COL5A1: variants seen among roughly 807,000 people sequenced by gnomAD.
COL5A1 encodes the protein collagen alpha-1(V) chain.
In COL5A1, 16 loss-of-function variants were observed where a neutral mutation model predicts 263.7. The observed-to-expected ratio is 0.06, with a 90% confidence interval of 0.04 to 0.09. COL5A1 has a LOEUF of 0.09. COL5A1 is among the 10% of genes least tolerant of loss of function. The pLI, the probability that COL5A1 is intolerant of heterozygous loss-of-function variation, is 1.00. For synonymous variants in COL5A1, 1,012 were observed against 1,004.5 expected (o/e 1.01, Z -0.14); for missense variants, 2,036 against 2,540.5 (o/e 0.80, Z 4.27).
chr9:134,800,966 T>C (rs1045326495), intron 37 of COL5A1, among the ~76,000 whole-genome samples: 1 of 152,158 alleles, frequency 6.6e-6, no homozygotes, highest in African/African-American at 2.4e-5. Flanking sequence ...AAGGTGTGCA[T>C]GTCTCCACCA....
chr9:134,748,816 G>T (rs906421458), intron 11 of COL5A1, among the ~76,000 whole-genome samples: 2 of 152,194 alleles, frequency 1.3e-5, no homozygotes, highest in Non-Finnish European at 2.9e-5. Context: ...ACGTGCATCG[G>T]CAGAAGACGG....
intron 6 of COL5A1, among the ~76,000 whole-genome samples, chr9:134,729,086 C>T (rs182839712): frequency 7.6e-4 from 116 of 152,318 alleles, no homozygotes; most frequent in Non-Finnish European, 1.4e-3. Flanking sequence ...CCACCCTGTA[C>T]GAGGCACAGG....
At chr9:134,787,615 T>C (rs1837509576) in intron 31 of COL5A1, among the ~76,000 whole-genome samples, 1 of 152,238 alleles carries the variant, frequency 6.6e-6, no homozygotes, top group African/African-American at 2.4e-5. Flanking sequence ...ATCTCTGGTC[T>C]GTGTGCACCT....
At chr9:134,793,608 A>C (rs1837796478) in intron 32 of COL5A1, among the ~76,000 whole-genome samples, 1 of 152,160 alleles carries the variant, frequency 6.6e-6, no homozygotes, top group South Asian at 2.1e-4. Context: ...CCTGTGGTCC[A>C]GGTCATAGTG....
chr9:134,698,719 G>A (rs1392056349), intron 2 of COL5A1, among the ~76,000 whole-genome samples: 3 of 152,266 alleles, frequency 2.0e-5, no homozygotes, highest in East Asian at 1.9e-4. Context: ...ATGGATAGCC[G>A]CCTTGCAGGC....
rs918778766 is a variant in COL5A1 at position 134,824,687 on chromosome 9, G to A, written c.4786G>A (p.Gly1596Arg). ...CGACGCCAGCCAGCTGCTGGACGAC[G>A]GGAATGGCGAGAACTACGTGGACTA... ...NIDASQLLDD[G>R]NGENYVDYAD... The change falls in exon 62 of 66, where the codon GGG (glycine) becomes AGG (arginine). Residue 1596 changes from glycine to arginine, a missense_variant. By Grantham distance (125) the Gly-to-Arg change is moderately radical. This residue lies in a region of COL5A1 where 358 missense variants were observed against 384.6 expected (regional missense o/e 0.93). Coordinates refer to ENST00000371817, the MANE Select transcript of COL5A1 (RefSeq NM_000093.5). 2.5e-6 allele frequency: 4 copies of A among 1,614,102 alleles called. No homozygotes were observed. Among genetic ancestry groups the A allele is most frequent in the Admixed American group, 1.7e-5 (1 of 60,016 alleles).
At chr9:134,724,666 A>G (rs1236286900) in intron 4 of COL5A1, among the ~76,000 whole-genome samples, 2 of 152,176 alleles carry the variant, frequency 1.3e-5, no homozygotes, top group Non-Finnish European at 2.9e-5. Flanking sequence ...TTCCCAGAAC[A>G]CTGGCACCCT....
chr9:134,675,438 T>C (rs1832659058), intron 1 of COL5A1, among the ~76,000 whole-genome samples: 1 of 152,250 alleles, frequency 6.6e-6, no homozygotes, highest in African/African-American at 2.4e-5. Context: ...TCGAATGTTA[T>C]TTATTTGTTC....
chr9:134,794,529 T>C lies in COL5A1; in HGVS notation c.2701-553T>C, dbSNP rs889042382. ...CAAAACAACAACAGAAAAAAGAGTA[T>C]AAATTCTATTAGAGGAGAAGCCGAT... is the stretch of plus-strand genomic sequence containing the variant. On this transcript the variant is annotated intron_variant, in intron 32 of 65. Coordinates refer to ENST00000371817, the MANE Select transcript of COL5A1 (RefSeq NM_000093.5). This position sits in a 1 kb window ranked among gnomAD's most constrained non-coding sequence, Gnocchi z 4.3. 6.6e-6 allele frequency among the ~76,000 whole-genome samples: 1 copy of C among 152,182 alleles called. No individual in the cohort carries two copies. Among genetic ancestry groups the C allele is most frequent in the Admixed American group, 6.5e-5 (1 of 15,278 alleles).
At chr9:134,795,634 G>T (rs1041229125) in intron 34 of COL5A1, among the ~76,000 whole-genome samples, 1 of 152,176 alleles carries the variant, frequency 6.6e-6, no homozygotes, top group East Asian at 1.9e-4. Flanking sequence ...CGCCCTGGTC[G>T]GGAGGCCCCA....
At position 134,821,848 on chromosome 9, in the gene COL5A1, T is replaced by C. The variant is rs981486464; in HGVS notation, c.4555-249T>C. 2.0e-5 allele frequency among the ~76,000 whole-genome samples: 3 copies of C among 152,134 alleles called. No individual in the cohort carries two copies. Among genetic ancestry groups the C allele is most frequent in the East Asian group, 3.8e-4 (2 of 5,198 alleles). On this transcript the variant is annotated intron_variant, in intron 58 of 65. Coordinates refer to ENST00000371817, the MANE Select transcript of COL5A1 (RefSeq NM_000093.5). This position sits in a 1 kb window ranked among gnomAD's most constrained non-coding sequence, Gnocchi z 4.2. ...CGGTGGCCTGGGGGATGAGAGTGAGTTCCTGGCAGCCCAGCCGGGGGAGCA... is the reference window on the plus strand; with the variant it reads ...CGGTGGCCTGGGGGATGAGAGTGAGCTCCTGGCAGCCCAGCCGGGGGAGCA...
chr9:134,738,372 G>C, intron 9 of COL5A1, 102 bp from the exon 10 acceptor site: 1 of 1,322,054 alleles, frequency 7.6e-7, no homozygotes, highest in Non-Finnish European at 1.1e-6. Context: ...AGCTGAGCCA[G>C]GGCCTCTTGT....
At chr9:134,702,203 G>T (rs1588451129) in intron 4 of COL5A1, among the ~76,000 whole-genome samples, 1 of 152,274 alleles carries the variant, frequency 6.6e-6, no homozygotes, top group African/African-American at 2.4e-5. Flanking sequence ...GGGCTTCCTT[G>T]TCGTTTATGT....
chr9:134,822,807 C>G (rs1040481333), intron 59 of COL5A1, 191 bp from the exon 60 acceptor site: 46 of 706,288 alleles, frequency 6.5e-5, no homozygotes, highest in Non-Finnish European at 1.0e-4. Flanking sequence ...CCTGTGTCTC[C>G]ACGAGGGGTG....
intron 4 of COL5A1, among the ~76,000 whole-genome samples, chr9:134,709,929 C>T (rs965110643): frequency 3.3e-5 from 5 of 152,136 alleles, no homozygotes; most frequent in African/African-American, 7.2e-5. Context: ...AGGGGCAGGG[C>T]GTCCCCTGTG....
intron 1 of COL5A1, among the ~76,000 whole-genome samples, chr9:134,684,675 G>A (rs1354505122): frequency 2.6e-5 from 4 of 152,224 alleles, no homozygotes; most frequent in African/African-American, 9.6e-5. Flanking sequence ...TTCTGGGTCA[G>A]CTCTGGAGGA....
intron 4 of COL5A1, among the ~76,000 whole-genome samples, chr9:134,710,557 T>TG (rs145195458): frequency 6.6e-5 from 2 of 30,346 alleles, no homozygotes; most frequent in Admixed American, 4.1e-4. Context: ...GGTGCAGTGG[T>TG]GGGGGGGCCC....
Position 134,824,814 on chromosome 9 carries a change from C to T in COL5A1, c.4913C>T (p.Thr1638Ile). 1.2e-6 allele frequency: 2 copies of T among 1,613,844 alleles called. No homozygotes were observed. Among genetic ancestry groups the T allele is most frequent in the Non-Finnish European group, 1.7e-6 (2 of 1,180,002 alleles). Residue 1638 changes from threonine (T) to isoleucine (I), a missense_variant, in exon 62 of 66, where the codon ACC becomes ATC. Physicochemically the swap from Thr to Ile is moderately conservative, Grantham distance 89. This residue lies in a region of COL5A1 where 358 missense variants were observed against 384.6 expected (regional missense o/e 0.93). Coordinates refer to ENST00000371817, the MANE Select transcript of COL5A1 (RefSeq NM_000093.5). ...GGCACGCAGCAGAACCCCGCCCGCA[C>T]CTGCAAGGACCTGCAGCTCTGCCAC... The part of the protein sequence containing the change: ...PLGTQQNPAR[T>I]CKDLQLCHPD...
chr9:134,774,610 C>T (rs564843785), intron 26 of COL5A1, among the ~76,000 whole-genome samples: 15 of 152,212 alleles, frequency 9.9e-5, no homozygotes, highest in Non-Finnish European at 1.8e-4. Context: ...CCCTGACTGC[C>T]GGGGTGGGGC....
Sources: gnomAD v4.1 joint callset for allele counts (sites outside exome capture counted in the v4.1 genomes callset) on GRCh38, gnomAD v4.1.1 for gene constraint, gnomAD v4.1.1 regional missense constraint, Gnocchi (gnomAD v3.1) non-coding constraint, MANE v1.5 for transcripts, NCBI Gene and HGNC (gene_info 2026-07-23, HGNC 2026-07-21) for gene names.